The following WDR17 variants were observed in gnomAD, a reference collection of about 807,000 sequenced individuals.
WDR17 encodes the protein WD repeat-containing protein 17.
WDR17 carries 143 observed loss-of-function variants against 161.7 expected under a neutral mutation model. The ratio of observed to expected loss-of-function variants is 0.88; its 90% CI spans 0.77 to 1.02. WDR17 has a LOEUF of 1.02. Among genes scored for constraint, WDR17 ranks in the 50% least tolerant of loss-of-function variants. The probability of loss-of-function intolerance (pLI) is 0.00; values close to 1 mark genes in which losing one functional copy is unlikely to be tolerated. For synonymous variants in WDR17, 517 were observed against 515.6 expected, an observed-to-expected ratio of 1.00 and a Z score of -0.04; for missense variants, 1,469 against 1,520.9, an observed-to-expected ratio of 0.97 and a Z score of 0.57.
At chr4:176,124,352 A>G (rs549301286) in intron 4 of WDR17, among the ~76,000 whole-genome samples, 1 of 152,282 alleles carries the variant, frequency 6.6e-6, no homozygotes, top group African/African-American at 2.4e-5. Context: ...AGTTTGTTTG[A>G]TGATCCTTTG....
Position 176,163,253 on chromosome 4 carries a change from T to G in WDR17, c.2950T>G (p.Leu984Val). Reference sequence around the variant, plus strand: ...TGCAGCACCAGCAACCCACTATGCCTTAGAATTACTGGCGAGAAAGTGCAT... The same window carrying G: ...TGCAGCACCAGCAACCCACTATGCCGTAGAATTACTGGCGAGAAAGTGCAT... ...ESAAPATHYALELLARKCMMI... is the reference protein window; with the variant it reads ...ESAAPATHYAVELLARKCMMI... Residue 984 changes from leucine to valine, a missense_variant, in exon 22 of 29, where the codon TTA becomes GTA. By Grantham distance (32) the Leu-to-Val change is conservative (BLOSUM62 1). Transcript: ENST00000508596. The G allele has an allele frequency of 6.2e-7, 1 of 1,612,456 alleles. No homozygotes were observed.
intron 1 of WDR17, among the ~76,000 whole-genome samples, chr4:176,103,005 C>T (rs1738069390): frequency 6.6e-6 from 1 of 152,172 alleles, no homozygotes; most frequent in Non-Finnish European, 1.5e-5. Context: ...CACAGAAGTG[C>T]AGACAAAGAG....
chr4:176,082,224 CA>C (rs1305486221), intron 1 of WDR17, among the ~76,000 whole-genome samples: 4 of 151,966 alleles, frequency 2.6e-5, no homozygotes, highest in Non-Finnish European at 5.9e-5. Flanking sequence ...GAGATAGAAA[CA>C]TAGGCAAATA....
Position 176,106,919 on chromosome 4 carries a change from C to T in WDR17, c.-6-4656C>T, listed in dbSNP as rs545131286. On this transcript the variant is annotated intron_variant, in intron 1 of 28. Coordinates refer to ENST00000508596, the MANE Select transcript of WDR17 (RefSeq NM_181265.4). ...TGAACTATGATCATGCCACTACACT[C>T]CGGAAGGAAACCTGTCTGTAGAAAA... Among the ~76,000 whole-genome samples, 9 of 152,142 alleles carry T rather than the reference C, an allele frequency of 5.9e-5. No individual in the cohort carries two copies. In the South Asian group the frequency reaches 1.7e-3, roughly 28 times the overall value.
chr4:176,104,317 A>G (rs966023205), intron 1 of WDR17, among the ~76,000 whole-genome samples: 3 of 152,124 alleles, frequency 2.0e-5, no homozygotes, highest in African/African-American at 7.2e-5. Flanking sequence ...ACTCAAAGCC[A>G]TATGAAAAAA....
intron 1 of WDR17, among the ~76,000 whole-genome samples, chr4:176,072,568 T>C (rs769549243): frequency 2.8e-4 from 42 of 152,228 alleles, no homozygotes; most frequent in Non-Finnish European, 4.1e-4. Context: ...AATGCTCATT[T>C]AGAATTATGG....
Position 176,177,631 on chromosome 4 carries a change from T to A in WDR17, c.3709T>A (p.Cys1237Ser). The change falls in exon 28 of 29, where the codon TGT (cysteine) becomes AGT (serine). Residue 1237 changes from cysteine to serine, a missense_variant. Cys to Ser is a moderately radical substitution (Grantham distance 112, BLOSUM62 -1). Coordinates refer to ENST00000508596, the MANE Select transcript of WDR17 (RefSeq NM_181265.4). ...AAGTCATTCTGATATTCACATTTCT[T>A]GTCTTACGGGATTAAAAATCCAGGT... Reference protein sequence around the residue: ...LPSHSDIHISCLTGLKIQGPV... With the variant: ...LPSHSDIHISSLTGLKIQGPV... 6.3e-7 allele frequency: 1 copy of A among 1,590,712 alleles called. No homozygotes were observed. Among genetic ancestry groups the A allele is most frequent in the Non-Finnish European group, 8.5e-7 (1 of 1,173,592 alleles).
intron 4 of WDR17, among the ~76,000 whole-genome samples, chr4:176,121,395 A>C (rs1280711083): frequency 6.6e-6 from 1 of 152,224 alleles, no homozygotes; most frequent in South Asian, 2.1e-4. Context: ...AATGCAATCT[A>C]TAATAAATAT....
chr4:176,161,986 T>A (rs946915076), intron 20 of WDR17, 89 bp from the exon 21 acceptor site: 5 of 1,092,186 alleles, frequency 4.6e-6, no homozygotes, highest in Admixed American at 5.9e-5. Flanking sequence ...TTTTATTTGG[T>A]CTTTTTATCA....
intron 1 of WDR17, among the ~76,000 whole-genome samples, chr4:176,071,527 TG>T (rs1487296100): frequency 1.3e-5 from 2 of 152,188 alleles, no homozygotes; most frequent in African/African-American, 4.8e-5. Context: ...TTCACCATGT[TG>T]GTCAGGCTGG....
chr4:176,173,515 A>G, intron 25 of WDR17, 146 bp downstream of exon 25: 2 of 550,500 alleles, frequency 3.6e-6, no homozygotes, highest in South Asian at 3.0e-5. Context: ...TGTTTGTTAT[A>G]TATTTTTTTT....
At chr4:176,086,871 A>G (rs1006854702) in intron 1 of WDR17, among the ~76,000 whole-genome samples, 9 of 151,642 alleles carry the variant, frequency 5.9e-5, no homozygotes, top group African/African-American at 1.7e-4. Flanking sequence ...CTTTCCTTCA[A>G]TTAACTTGCT....
At chr4:176,159,671 A>C (rs1386749516) in intron 18 of WDR17, among the ~76,000 whole-genome samples, 2 of 152,200 alleles carry the variant, frequency 1.3e-5, no homozygotes, top group Non-Finnish European at 2.9e-5. Flanking sequence ...ATATCCTATC[A>C]CACGTACCTT....
intron 1 of WDR17, among the ~76,000 whole-genome samples, chr4:176,074,094 T>C (rs1733626820): frequency 1.3e-5 from 2 of 151,900 alleles, no homozygotes; most frequent in African/African-American, 4.8e-5. Flanking sequence ...GTGCAGAAGC[T>C]CTTGAGTTTA....
intron 27 of WDR17, 61 bp downstream of exon 27, chr4:176,177,217 G>A: frequency 7.0e-7 from 1 of 1,418,822 alleles, no homozygotes; most frequent in East Asian, 2.3e-5. Context: ...AGACAAACTT[G>A]TTGGAAGTAT....
rs1017673672 is a variant in WDR17, at chr4:176,181,729, T to G, written c.*2150T>G. 1 of 152,746 alleles carries G rather than the reference T, an allele frequency of 6.5e-6. No homozygotes were observed. The highest frequency in any genetic ancestry group is 2.4e-5 in the African/African-American group (1 of 41,452). 9.5% of individuals were successfully genotyped at this position (152,746 alleles called of 1,614,324 possible). On this transcript the variant is annotated 3_prime_UTR_variant, in exon 29 of 29. Coordinates refer to ENST00000508596, the MANE Select transcript of WDR17 (RefSeq NM_181265.4). Reference sequence around the variant, plus strand: ...AATAAATAAGCCTATCTTTTTGTGCTTACATACTTAAAAGGATATCATTAA... The same window carrying G: ...AATAAATAAGCCTATCTTTTTGTGCGTACATACTTAAAAGGATATCATTAA...
intron 1 of WDR17, among the ~76,000 whole-genome samples, chr4:176,103,352 T>TA (rs1237400727): frequency 6.6e-6 from 1 of 152,038 alleles, no homozygotes; most frequent in Admixed American, 6.6e-5. Context: ...TTTCCAGAGT[T>TA]ACCATATTAC....
chr4:176,104,885 T>C (rs1239048539), intron 1 of WDR17, among the ~76,000 whole-genome samples: 1 of 151,884 alleles, frequency 6.6e-6, no homozygotes, highest in African/African-American at 2.4e-5. Flanking sequence ...AAGTCCTTTA[T>C]CAGGAATTAT....
At position 176,111,666 on chromosome 4, in the gene WDR17, T is replaced by G; in HGVS notation, c.86T>G (p.Phe29Cys). 1 of 1,609,578 alleles carries G rather than the reference T, an allele frequency of 6.2e-7. No homozygotes were observed. Among genetic ancestry groups the G allele is most frequent in the Non-Finnish European group, 8.5e-7 (1 of 1,177,184 alleles). Residue 29 changes from phenylalanine to cysteine, a missense_variant, in exon 2 of 29, where the codon TTT becomes TGT. By Grantham distance (205) the Phe-to-Cys change is radical. Transcript: ENST00000508596. Reference sequence around the variant, plus strand: ...GTATGTGCTGCCAGTGGAGACAGGTTTGCATATTGTGCGACCCTGGCTATC... The same window carrying G: ...GTATGTGCTGCCAGTGGAGACAGGTGTGCATATTGTGCGACCCTGGCTATC... ...KDVCAASGDR[F>C]AYCATLAIYI... is the part of the protein sequence containing the mutation.
Sources: allele counts gnomAD v4.1 joint callset (sites outside exome capture counted in the v4.1 genomes callset), GRCh38; gene constraint gnomAD v4.1.1; transcripts MANE v1.5; gene names NCBI Gene and HGNC (gene_info 2026-07-23, HGNC 2026-07-21).